The following AMMECR1 variants were observed in gnomAD, a reference collection of about 807,000 sequenced individuals.
AMMECR1 encodes nuclear protein AMMECR1.
Under a neutral mutation model 22.5 loss-of-function variants are expected in AMMECR1, and 3 were observed. The observed-to-expected ratio is 0.13, with a 90% CI of 0.06 to 0.35. The LOEUF (loss-of-function observed/expected upper bound fraction) is 0.35, where lower values mean the gene tolerates loss of function less well. Among genes scored for constraint, AMMECR1 ranks in the 10% least tolerant of loss-of-function variants. The pLI, the probability that AMMECR1 is intolerant of heterozygous loss-of-function variation, is 1.00. For synonymous variants in AMMECR1, 130 were observed against 116.7 expected, an observed-to-expected ratio of 1.11 and a Z score of -0.74; for missense variants, 235 against 278.7, an observed-to-expected ratio of 0.84 and a Z score of 1.12.
At chrX:110,238,104 T>A (rs755918792) in intron 2 of AMMECR1, among the ~76,000 whole-genome samples, 1 of 112,113 alleles carries the variant, frequency 8.9e-6, no homozygotes, top group African/African-American at 3.2e-5. Flanking sequence ...AGCAGGTCTC[T>A]GGGGGACTTC....
At chrX:110,271,041 G>A (rs890471854) in intron 1 of AMMECR1, among the ~76,000 whole-genome samples, 1 of 111,739 alleles carries the variant, frequency 8.9e-6, no homozygotes, top group Admixed American at 9.5e-5. Context: ...GGGCTAATCT[G>A]AGGCAGGGTC....
At chrX:110,223,168 C>T (rs918051999) in intron 2 of AMMECR1, among the ~76,000 whole-genome samples, 2 of 112,091 alleles carry the variant, frequency 1.8e-5, no homozygotes, top group African/African-American at 6.5e-5. Flanking sequence ...CATAAAGAAA[C>T]AGATGGCTAA....
At chrX:110,283,250 A>C (rs2067862337) in intron 1 of AMMECR1, among the ~76,000 whole-genome samples, 1 of 112,116 alleles carries the variant, frequency 8.9e-6, no homozygotes, top group Non-Finnish European at 1.9e-5. Context: ...TTTTTCATGT[A>C]AACTAAAGAC....
chrX:110,333,273 G>T (rs969998720), intron 2 of AMMECR1, among the ~76,000 whole-genome samples: 4 of 111,806 alleles, frequency 3.6e-5, no homozygotes, highest in African/African-American at 1.3e-4. Context: ...GGGATATAAA[G>T]AAATGTGACA....
At chrX:110,345,590 T>C in intron 2 of AMMECR1, among the ~76,000 whole-genome samples, 2 of 109,945 alleles carry the variant, frequency 1.8e-5, no homozygotes, top group East Asian at 5.6e-4. Flanking sequence ...AGGGAGGGTG[T>C]GGACCAAGAG....
intron 3 of AMMECR1, among the ~76,000 whole-genome samples, chrX:110,211,311 C>T (rs1328870543): frequency 8.9e-6 from 1 of 112,387 alleles, no homozygotes; most frequent in African/African-American, 3.2e-5. Context: ...AATTCTTCTA[C>T]AAACAAAAAG....
At chrX:110,369,535 G>A (rs2068322870) in intron 2 of AMMECR1, among the ~76,000 whole-genome samples, 1 of 110,504 alleles carries the variant, frequency 9.0e-6, no homozygotes, top group African/African-American at 3.3e-5. Context: ...TGGAATTATA[G>A]CACAATTTTT....
At chrX:110,267,975 G>A (rs1334785368) in intron 1 of AMMECR1, among the ~76,000 whole-genome samples, 3 of 112,103 alleles carry the variant, frequency 2.7e-5, no homozygotes, top group Non-Finnish European at 5.6e-5. Flanking sequence ...AGTTGCTGGA[G>A]GACAAGCTGC....
At chrX:110,246,323 CAA>C (rs1350627283) in intron 2 of AMMECR1, among the ~76,000 whole-genome samples, 3 of 111,947 alleles carry the variant, frequency 2.7e-5, no homozygotes, top group African/African-American at 9.7e-5. Context: ...AAATAGAAAA[CAA>C]AATGCAGATA....
At chrX:110,340,035 C>T (rs1400978955) in intron 2 of AMMECR1, among the ~76,000 whole-genome samples, 2 of 106,627 alleles carry the variant, frequency 1.9e-5, no homozygotes, top group East Asian at 5.9e-4. Context: ...ATTGGTTAAG[C>T]TCATAGGCTC....
intron 1 of AMMECR1, among the ~76,000 whole-genome samples, chrX:110,315,552 T>C (rs1219112387): frequency 8.9e-6 from 1 of 112,487 alleles, no homozygotes; most frequent in African/African-American, 3.2e-5. Context: ...GCAAAGTGGC[T>C]ACTGTTAAAA....
chrX:110,415,549 C>T (rs192567665), intron 2 of AMMECR1, among the ~76,000 whole-genome samples: 3 of 111,475 alleles, frequency 2.7e-5, no homozygotes, highest in East Asian at 2.8e-4. Context: ...TATTGATGCC[C>T]AGTGTACTCT....
upstream of AMMECR1, chrX:110,318,094 A>C: frequency 4.3e-6 from 5 of 1,157,701 alleles, no homozygotes; most frequent in Non-Finnish European, 5.8e-6. Context: ...TCCCCCACGC[A>C]GCGTTTCCGA....
At chrX:110,294,258 C>T (rs1016722061) in intron 1 of AMMECR1, among the ~76,000 whole-genome samples, 26 of 111,920 alleles carry the variant, frequency 2.3e-4, no homozygotes, top group Admixed American at 1.6e-3. Context: ...ATGAGATCAG[C>T]ACTTTTACTA....
chrX:110,245,359 T>A (rs768780903), intron 2 of AMMECR1, among the ~76,000 whole-genome samples: 1 of 112,124 alleles, frequency 8.9e-6, no homozygotes, highest in Non-Finnish European at 1.9e-5. Context: ...ATCAAATGCA[T>A]ATCAAAAGGA....
At chrX:110,423,371 G>GAGAAGAAGGAGAAGGAGAAGGAGAGA (rs2068732439) in intron 2 of AMMECR1, among the ~76,000 whole-genome samples, 2 of 109,950 alleles carry the variant, frequency 1.8e-5, no homozygotes, top group East Asian at 2.8e-4. Flanking sequence ...GAAGGAGAAG[G>GAGAAGAAGGAGAAGGAGAAGGAGAGA]AGAAGAAGGA....
At chrX:110,432,320 C>A (rs1278666792) in intron 1 of AMMECR1, among the ~76,000 whole-genome samples, 2 of 112,458 alleles carry the variant, frequency 1.8e-5, no homozygotes, top group Non-Finnish European at 3.8e-5. Flanking sequence ...TCCCTTGTAC[C>A]ACTACACCCC....
intron 1 of AMMECR1, among the ~76,000 whole-genome samples, chrX:110,306,115 A>G (rs929177995): frequency 1.4e-4 from 16 of 110,605 alleles, no homozygotes; most frequent in African/African-American, 4.6e-4. Flanking sequence ...CCCCGTCTCT[A>G]CTAAAAACAA....
chrX:110,337,919 T>C (rs763514678), intron 2 of AMMECR1, among the ~76,000 whole-genome samples: 2 of 112,575 alleles, frequency 1.8e-5, no homozygotes, highest in African/African-American at 6.4e-5. Flanking sequence ...TGCTACAGCA[T>C]GGGTGAACCT....
Sources: allele counts gnomAD v4.1 joint callset (sites outside exome capture counted in the v4.1 genomes callset), GRCh38; gene constraint gnomAD v4.1.1; transcripts MANE v1.5; gene names NCBI Gene and HGNC (gene_info 2026-07-23, HGNC 2026-07-21).